The following TYW1 variants were observed in gnomAD, a reference collection of about 807,000 sequenced individuals.
TYW1 encodes the protein tRNA-yW synthesizing protein 1 homolog.
Under a neutral mutation model 96.2 loss-of-function variants are expected in TYW1, and 46 were observed. That is an observed-to-expected ratio of 0.48 (90% CI 0.38 to 0.61). The LOEUF is 0.61. Among genes scored for constraint, TYW1 ranks in the 20% least tolerant of loss-of-function variants. The pLI, the probability that TYW1 is intolerant of heterozygous loss-of-function variation, is 0.00. For missense variants in TYW1, 684 were observed against 909.6 expected (o/e 0.75, Z 3.19); for synonymous variants, 274 against 323.0 (o/e 0.85, Z 1.63).
chr7:67,117,374 C>T (rs1324713516), intron 12 of TYW1, 109 bp from the exon 13 acceptor site: 6 of 1,264,930 alleles, frequency 4.7e-6, no homozygotes, highest in Non-Finnish European at 6.4e-6. Context: ...TCTCTAGACC[C>T]AGTGAAGTGT....
chr7:67,131,140 C>T (rs1020431197), intron 13 of TYW1, among the ~76,000 whole-genome samples: 1 of 151,880 alleles, frequency 6.6e-6, no homozygotes, highest in Non-Finnish European at 1.5e-5. Flanking sequence ...TGAAACAAGG[C>T]TACCAAGGTT....
intron 11 of TYW1, among the ~76,000 whole-genome samples, chr7:67,085,310 G>A (rs1376394224): frequency 6.6e-6 from 1 of 152,170 alleles, no homozygotes; most frequent in Non-Finnish European, 1.5e-5. Flanking sequence ...CCAGGTGGAG[G>A]TAATTGAAAT....
chr7:67,173,234 G>C (rs1799569409), intron 13 of TYW1, among the ~76,000 whole-genome samples: 1 of 151,728 alleles, frequency 6.6e-6, no homozygotes, highest in Non-Finnish European at 1.5e-5. Flanking sequence ...ATTGTACTTT[G>C]TTTATACTTC....
intron 15 of TYW1, among the ~76,000 whole-genome samples, chr7:67,236,945 G>C (rs1337051732): frequency 6.6e-6 from 1 of 152,050 alleles, no homozygotes; most frequent in Admixed American, 6.5e-5. Flanking sequence ...GAGTGCAGTG[G>C]CACTGTCTCA....
intron 7 of TYW1, among the ~76,000 whole-genome samples, chr7:67,030,046 C>T (rs1231800175): frequency 6.6e-6 from 1 of 152,130 alleles, no homozygotes; most frequent in African/African-American, 2.4e-5. Flanking sequence ...GTGTCCTGTC[C>T]TCTTGGAATC....
chr7:67,034,549 A>G (rs1199579474), intron 7 of TYW1, among the ~76,000 whole-genome samples: 3 of 152,014 alleles, frequency 2.0e-5, no homozygotes, highest in Non-Finnish European at 2.9e-5. Context: ...ATTGCCTTTT[A>G]TAAACACATT....
intron 13 of TYW1, among the ~76,000 whole-genome samples, chr7:67,166,856 G>A (rs6460331): frequency 0.34 from 51,008 of 151,746 alleles, 9,524 homozygotes; most frequent in African/African-American, 0.5. Flanking sequence ...ATACATGTGG[G>A]CTAACTGATG....
intron 13 of TYW1, among the ~76,000 whole-genome samples, chr7:67,159,799 A>ATTTTATTTTATTTTAT (rs141173601): frequency 0.012 from 842 of 71,330 alleles, 6 homozygotes; most frequent in East Asian, 0.048. Context: ...ATTTTATTTT[A>ATTTTATTTTATTTTAT]TTTATTTATT....
At chr7:67,144,718 G>A (rs1271331243) in intron 13 of TYW1, among the ~76,000 whole-genome samples, 1 of 152,076 alleles carries the variant, frequency 6.6e-6, no homozygotes, top group Non-Finnish European at 1.5e-5. Flanking sequence ...TATCTGCCCG[G>A]GTTGGCCTCC....
At chr7:67,070,860 G>A (rs565938739) in intron 10 of TYW1, among the ~76,000 whole-genome samples, 15 of 152,152 alleles carry the variant, frequency 9.9e-5, no homozygotes, top group East Asian at 9.7e-4. Flanking sequence ...GGCCTGGCAC[G>A]GTGGCTCATG....
At chr7:67,153,502 G>A (rs1022479836) in intron 13 of TYW1, among the ~76,000 whole-genome samples, 1 of 152,148 alleles carries the variant, frequency 6.6e-6, no homozygotes, top group African/African-American at 2.4e-5. Flanking sequence ...ATATGTAGAT[G>A]TATATTTGTA....
intron 3 of TYW1, among the ~76,000 whole-genome samples, chr7:67,001,044 A>T (rs1793368574): frequency 6.6e-6 from 1 of 152,108 alleles, no homozygotes; most frequent in East Asian, 1.9e-4. Context: ...TGTTACTTAT[A>T]AAAAACCTTT....
intron 13 of TYW1, among the ~76,000 whole-genome samples, chr7:67,174,445 A>T (rs1322745429): frequency 6.6e-6 from 1 of 151,022 alleles, no homozygotes; most frequent in Non-Finnish European, 1.5e-5. Flanking sequence ...AAGAGCTGCC[A>T]ATCTAGAAGT....
At chr7:67,125,217 G>C (rs1797878557) in intron 13 of TYW1, among the ~76,000 whole-genome samples, 1 of 152,178 alleles carries the variant, frequency 6.6e-6, no homozygotes, top group African/African-American at 2.4e-5. Context: ...CTTTAAAAAA[G>C]TATATGTTTA....
intron 7 of TYW1, among the ~76,000 whole-genome samples, chr7:67,036,186 C>T (rs1794837422): frequency 1.3e-5 from 2 of 150,080 alleles, no homozygotes; most frequent in South Asian, 4.2e-4. Context: ...AGGGAATAGA[C>T]ATTTGTTCCA....
intron 14 of TYW1, among the ~76,000 whole-genome samples, chr7:67,188,339 A>G (rs1215154633): frequency 2.6e-5 from 4 of 152,200 alleles, no homozygotes; most frequent in African/African-American, 7.2e-5. Context: ...TTAATAAATA[A>G]CAACAACAAT....
In TYW1 at chr7:67,238,554, A is replaced by G. The variant is rs570545038; in HGVS notation, c.*25A>G. The G allele has an allele frequency of 1.9e-6, 3 of 1,602,794 alleles. No homozygotes were observed. In the South Asian group the frequency reaches 3.3e-5, roughly 18 times the overall value. The stretch of plus-strand genomic sequence containing the variant: ...AGATTATCTGATTTCAAGGTACTGA[A>G]GGACAAAAACTTGGATGGCCTCAAA... On this transcript the variant is annotated 3_prime_UTR_variant, in exon 16 of 16. Coordinates refer to ENST00000359626, the MANE Select transcript of TYW1 (RefSeq NM_018264.4).
chr7:67,096,682 G>T (rs1796928973), intron 11 of TYW1, among the ~76,000 whole-genome samples: 2 of 151,704 alleles, frequency 1.3e-5, no homozygotes, highest in African/African-American at 4.8e-5. Flanking sequence ...CATCACCCAG[G>T]TATTAAGCCC....
intron 10 of TYW1, among the ~76,000 whole-genome samples, chr7:67,078,051 A>G (rs1796258887): frequency 6.6e-6 from 1 of 150,666 alleles, no homozygotes; most frequent in Non-Finnish European, 1.5e-5. Flanking sequence ...TGTCAATACC[A>G]TGCTGCTTTG....
Sources: gnomAD v4.1 joint callset for allele counts (sites outside exome capture counted in the v4.1 genomes callset) on GRCh38, gnomAD v4.1.1 for gene constraint, MANE v1.5 for transcripts, NCBI Gene and HGNC (gene_info 2026-07-23, HGNC 2026-07-21) for gene names.